TMEM272: variants seen among roughly 807,000 people sequenced by gnomAD.
The protein encoded by TMEM272 is long intergenic non-protein coding RNA 282.
Under a neutral mutation model 3.7 loss-of-function variants are expected in TMEM272, and 8 were observed. That is an observed-to-expected ratio of 2.17 (90% CI 1.27 to 3.91). The LOEUF (loss-of-function observed/expected upper bound fraction) is 3.91. Among genes scored for constraint, TMEM272 ranks in the 30% most tolerant of loss-of-function variants. The pLI is 0.00. For missense variants in TMEM272, 166 were observed against 91.5 expected, an observed-to-expected ratio of 1.81 and a Z score of -3.32; for synonymous variants, 63 against 39.8, an observed-to-expected ratio of 1.58 and a Z score of -2.20.
chr13:51,874,698 G>C, the TMEM272 span, among the ~76,000 whole-genome samples: 1 of 152,200 alleles, frequency 6.6e-6, no homozygotes, highest in Non-Finnish European at 1.5e-5. Flanking sequence ...AGGGAAGGGT[G>C]AGTCATACGG....
chr13:51,896,599 C>T, the TMEM272 span, among the ~76,000 whole-genome samples: 1 of 152,098 alleles, frequency 6.6e-6, no homozygotes, highest in Admixed American at 6.5e-5. Context: ...GAGGGGGATG[C>T]TGTGATTATC....
the TMEM272 span, among the ~76,000 whole-genome samples, chr13:51,859,774 T>C: frequency 2.0e-5 from 3 of 152,168 alleles, no homozygotes; most frequent in Non-Finnish European, 4.4e-5. Flanking sequence ...TTAGTTACTA[T>C]ATTATTTTAA....
At chr13:51,868,598 A>G in the TMEM272 span, among the ~76,000 whole-genome samples, 1 of 152,258 alleles carries the variant, frequency 6.6e-6, no homozygotes, top group Non-Finnish European at 1.5e-5. Context: ...CCTCAGCAGC[A>G]GCCAAAGCTG....
the TMEM272 span, among the ~76,000 whole-genome samples, chr13:51,884,887 CTG>C: frequency 6.6e-6 from 1 of 152,224 alleles, no homozygotes; most frequent in Non-Finnish European, 1.5e-5. Context: ...CTCCAAGTCT[CTG>C]TCTCCCTGTT....
At chr13:51,857,926 C>T in the TMEM272 span, among the ~76,000 whole-genome samples, 3 of 152,008 alleles carry the variant, frequency 2.0e-5, no homozygotes, top group African/African-American at 7.2e-5. Context: ...AGAAAAGATA[C>T]ACCATGCAAA....
chr13:51,885,015 G>A, the TMEM272 span, among the ~76,000 whole-genome samples: 3 of 152,200 alleles, frequency 2.0e-5, no homozygotes, highest in Non-Finnish European at 4.4e-5. Context: ...GGTCCAAGTG[G>A]TTGGTGCCAT....
chr13:51,894,988 T>C, the TMEM272 span, among the ~76,000 whole-genome samples: 1 of 152,036 alleles, frequency 6.6e-6, no homozygotes, highest in Non-Finnish European at 1.5e-5. Flanking sequence ...ATCACTGGCA[T>C]GCACAGTTCA....
At chr13:51,906,575 A>G in the TMEM272 span, among the ~76,000 whole-genome samples, 3 of 152,204 alleles carry the variant, frequency 2.0e-5, no homozygotes, top group Non-Finnish European at 4.4e-5. Flanking sequence ...TTTCATTGTA[A>G]TAAAGCATCT....
the TMEM272 span, among the ~76,000 whole-genome samples, chr13:51,929,224 G>A: frequency 6.6e-6 from 1 of 152,060 alleles, no homozygotes; most frequent in Non-Finnish European, 1.5e-5. Flanking sequence ...AAACTTGCAA[G>A]AATATTTAAC....
At chr13:51,825,346 CA>C (rs1309732287) in intron 3 of TMEM272, among the ~76,000 whole-genome samples, 1 of 152,122 alleles carries the variant, frequency 6.6e-6, no homozygotes, top group African/African-American at 2.4e-5. Context: ...GTGGCTTTAG[CA>C]GGGGTGGCAG....
chr13:51,830,503 C>T (rs1405366895), intron 2 of TMEM272, among the ~76,000 whole-genome samples: 3 of 152,196 alleles, frequency 2.0e-5, no homozygotes, highest in African/African-American at 7.2e-5. Flanking sequence ...GATTACAAGA[C>T]TTTCCTAACA....
At chr13:51,932,965 G>A in the TMEM272 span, 1 of 152,174 alleles carries the variant, frequency 6.6e-6, no homozygotes, top group African/African-American at 2.4e-5. Flanking sequence ...ATGTGCTGCG[G>A]GCTGGAGTGG....
chr13:51,822,993 G>A (rs1956092930), intron 3 of TMEM272, among the ~76,000 whole-genome samples: 1 of 152,246 alleles, frequency 6.6e-6, no homozygotes, highest in African/African-American at 2.4e-5. Context: ...GGGAGACACT[G>A]ACTGCCCAGC....
At chr13:51,865,755 G>A in the TMEM272 span, 114 of 1,614,010 alleles carry the variant, frequency 7.1e-5, no homozygotes, top group African/African-American at 5.5e-4. Context: ...AAAAAGTACC[G>A]CACTTTCTGG....
intron 4 of TMEM272, among the ~76,000 whole-genome samples, chr13:51,819,155 T>C (rs973933154): frequency 6.6e-6 from 1 of 152,114 alleles, no homozygotes; most frequent in Non-Finnish European, 1.5e-5. Context: ...AGAAGGGGCA[T>C]ACTTGGGACC....
the TMEM272 span, among the ~76,000 whole-genome samples, chr13:51,913,500 G>A: frequency 4.1e-4 from 63 of 152,326 alleles, 1 homozygote; most frequent in Admixed American, 4.0e-3. Flanking sequence ...CTTCCCTGAT[G>A]AGCAGGCCCC....
the TMEM272 span, among the ~76,000 whole-genome samples, chr13:51,869,315 A>T: frequency 6.6e-6 from 1 of 152,140 alleles, no homozygotes; most frequent in Non-Finnish European, 1.5e-5. Flanking sequence ...AGGAGGGTGG[A>T]CCATGTCCTA....
At chr13:51,886,528 C>A in the TMEM272 span, among the ~76,000 whole-genome samples, 3 of 152,204 alleles carry the variant, frequency 2.0e-5, no homozygotes, top group Non-Finnish European at 4.4e-5. Flanking sequence ...GGATTTGAAA[C>A]CAGGCAGTCT....
chr13:51,836,856 T>C (rs1273022326), intron 2 of TMEM272, among the ~76,000 whole-genome samples: 1 of 152,220 alleles, frequency 6.6e-6, no homozygotes, highest in African/African-American at 2.4e-5. Context: ...TGTTTTTGTC[T>C]GGCTGGATTT....
Sources: gnomAD v4.1 joint callset for allele counts (sites outside exome capture counted in the v4.1 genomes callset) on GRCh38, gnomAD v4.1.1 for gene constraint, MANE v1.5 for transcripts, NCBI Gene and HGNC (gene_info 2026-07-23, HGNC 2026-07-21) for gene names.